RUSC2: variants seen among roughly 807,000 people sequenced by gnomAD.
The protein encoded by RUSC2 is AP-4 complex accessory subunit RUSC2.
Under a neutral mutation model 122.2 loss-of-function variants are expected in RUSC2, and 34 were observed. The observed-to-expected ratio is 0.28, with a 90% CI of 0.21 to 0.37. The LOEUF (loss-of-function observed/expected upper bound fraction) is 0.37, where lower values mean the gene tolerates loss of function less well. RUSC2 is among the 10% of genes least tolerant of loss of function. The pLI is 1.00. For synonymous variants in RUSC2, 784 were observed against 790.0 expected, an observed-to-expected ratio of 0.99 and a Z score of 0.13; for missense variants, 1,747 against 1,952.4, an observed-to-expected ratio of 0.89 and a Z score of 1.98.
At chr9:35,513,555 T>A (rs867141430) in intron 1 of RUSC2, among the ~76,000 whole-genome samples, 3 of 151,624 alleles carry the variant, frequency 2.0e-5, no homozygotes, top group Non-Finnish European at 1.5e-5. Context: ...AGAGTTGTAC[T>A]TTGTAAATTG....
At chr9:35,551,840 A>G (rs1266159453) in intron 2 of RUSC2, among the ~76,000 whole-genome samples, 2 of 151,810 alleles carry the variant, frequency 1.3e-5, no homozygotes, top group African/African-American at 4.8e-5. Flanking sequence ...CAGGAGGATC[A>G]CTTGAAGCCA....
At chr9:35,529,937 A>G (rs778635444) in intron 1 of RUSC2, among the ~76,000 whole-genome samples, 3 of 151,956 alleles carry the variant, frequency 2.0e-5, no homozygotes, top group Non-Finnish European at 4.4e-5. Flanking sequence ...TGTGCTTGCC[A>G]TCCATTCAGT....
At chr9:35,521,755 C>A (rs1292121197) in intron 1 of RUSC2, among the ~76,000 whole-genome samples, 1 of 152,258 alleles carries the variant, frequency 6.6e-6, no homozygotes, top group East Asian at 1.9e-4. Flanking sequence ...TCTGGGACAG[C>A]CCTTCAGGCT....
At chr9:35,544,455 GC>G (rs1435865219) in intron 1 of RUSC2, among the ~76,000 whole-genome samples, 1 of 151,778 alleles carries the variant, frequency 6.6e-6, no homozygotes, top group Non-Finnish European at 1.5e-5. Flanking sequence ...TTACAGGCAT[GC>G]ACTACCACGC....
At chr9:35,516,315 A>G (rs1389474866) in intron 1 of RUSC2, among the ~76,000 whole-genome samples, 1 of 152,012 alleles carries the variant, frequency 6.6e-6, no homozygotes, top group Non-Finnish European at 1.5e-5. Flanking sequence ...CCTCTCATCC[A>G]TATTTACTGT....
At position 35,555,881 on chromosome 9, in the gene RUSC2, G is replaced by T; in HGVS notation, c.2657-71G>T. ...TCTAGTGTTTCATATGGGCCCACTG[G>T]GTGGATGTGAAACTCTGTCTCGCTG... is the stretch of plus-strand genomic sequence containing the variant. On this transcript the variant is annotated intron_variant, in intron 3 of 11. Coordinates refer to ENST00000361226, the MANE Select transcript of RUSC2 (RefSeq NM_014806.5). The surrounding 1 kb of genome is among the most constrained non-coding windows in gnomAD (Gnocchi z 4.6). 6.4e-7 allele frequency: 1 copy of T among 1,554,822 alleles called. No homozygotes were observed. The highest frequency in any genetic ancestry group is 1.2e-5 in the South Asian group (1 of 85,362).
chr9:35,556,283 G>A (rs1163237450), intron 4 of RUSC2, 25 bp from the exon 5 acceptor site: 1 of 1,612,760 alleles, frequency 6.2e-7, no homozygotes, highest in African/African-American at 1.3e-5. Context: ...GAGTTGCTCA[G>A]GATTGATTTT....
At chr9:35,545,988 C>A (rs1393090181) in intron 1 of RUSC2, among the ~76,000 whole-genome samples, 1 of 152,020 alleles carries the variant, frequency 6.6e-6, no homozygotes, top group Non-Finnish European at 1.5e-5. Flanking sequence ...CATGATTTTC[C>A]CTCTTGGCTG....
chr9:35,513,804 G>T (rs1821052062), intron 1 of RUSC2, among the ~76,000 whole-genome samples: 1 of 149,474 alleles, frequency 6.7e-6, no homozygotes, highest in Non-Finnish European at 1.5e-5. Context: ...TTGAGCCCAG[G>T]AGTTTGAGAC....
intron 2 of RUSC2, among the ~76,000 whole-genome samples, chr9:35,550,914 A>T (rs1821878952): frequency 1.3e-5 from 2 of 151,822 alleles, no homozygotes; most frequent in Admixed American, 1.3e-4. Flanking sequence ...CTCTACTAAA[A>T]ATACAAAAAT....
Position 35,524,902 on chromosome 9 carries a change from T to C in RUSC2, c.-92-21528T>C, listed in dbSNP as rs186461695. On this transcript the variant is annotated intron_variant, in intron 1 of 11. Transcript: ENST00000361226. The stretch of plus-strand genomic sequence containing the variant: ...AGGAGAATGGCGTGAACCCGGGAGG[T>C]GGAGCTTGCAGTAAGCCAAGATCGC... Among the ~76,000 whole-genome samples the C allele has an allele frequency of 4.6e-3, 679 of 148,032 alleles. 3 individuals carry two copies. Among genetic ancestry groups the C allele is most frequent in the African/African-American group, 0.016 (628 of 39,854 alleles).
Position 35,560,919 on chromosome 9 carries a change from G to A in RUSC2, c.4212-41G>A, listed in dbSNP as rs1463176579. The A allele has an allele frequency of 1.9e-6, 3 of 1,604,298 alleles. No individual in the cohort carries two copies. In the African/African-American group the frequency reaches 4.0e-5, roughly 21 times the overall value. ...TGCTGTAAGCCAGGGCACGGGCAGA[G>A]CCCATCCTGGGCAGAGCCTGAGTCC... On this transcript the variant is annotated intron_variant, in intron 10 of 11. Transcript: ENST00000361226.
At chr9:35,523,217 TTA>T (rs1278757737) in intron 1 of RUSC2, among the ~76,000 whole-genome samples, 1 of 152,208 alleles carries the variant, frequency 6.6e-6, no homozygotes, top group Non-Finnish European at 1.5e-5. Flanking sequence ...TTTAATTAGC[TTA>T]TATGTTTTAT....
chr9:35,556,279 C>G, intron 4 of RUSC2, 29 bp from the exon 5 acceptor site: 2 of 1,612,200 alleles, frequency 1.2e-6, no homozygotes, highest in Non-Finnish European at 1.7e-6. Context: ...CTGAGAGTTG[C>G]TCAGGATTGA....
intron 1 of RUSC2, among the ~76,000 whole-genome samples, chr9:35,517,484 C>T (rs1192826823): frequency 6.7e-6 from 1 of 149,532 alleles, no homozygotes; most frequent in African/African-American, 2.5e-5. Context: ...GATACAGGCC[C>T]CAGATCAGTG....
intron 2 of RUSC2, among the ~76,000 whole-genome samples, chr9:35,553,305 G>T (rs1289749504): frequency 1.3e-5 from 2 of 152,168 alleles, no homozygotes; most frequent in African/African-American, 4.8e-5. Context: ...AGTGAGACTG[G>T]CTTGAATCAA....
In RUSC2 at chr9:35,555,304, C is replaced by T. The variant is rs772105000; in HGVS notation, c.2259C>T (p.Ser753=). Residue 753 remains serine, a synonymous_variant, in exon 3 of 12, where the codon TCC becomes TCT. Coordinates refer to ENST00000361226, the MANE Select transcript of RUSC2 (RefSeq NM_014806.5). The surrounding 1 kb of genome is among the most constrained non-coding windows in gnomAD (Gnocchi z 4.6). The part of the protein sequence containing the change: ...VPAPSGEPQA[S]TPRATGRGAR... ...CTCCCTCAGGGGAACCGCAGGCATC[C>T]ACTCCCCGAGCCACTGGCAGAGGTG... is the stretch of plus-strand genomic sequence containing the variant. 1 of 1,613,958 alleles carries T rather than the reference C, an allele frequency of 6.2e-7. No individual in the cohort carries two copies. Among genetic ancestry groups the T allele is most frequent in the South Asian group, 1.1e-5 (1 of 91,090 alleles).
At chr9:35,503,081 C>T (rs1820846612) in intron 1 of RUSC2, among the ~76,000 whole-genome samples, 1 of 152,076 alleles carries the variant, frequency 6.6e-6, no homozygotes, top group Non-Finnish European at 1.5e-5. Context: ...AGGCTGGTCT[C>T]GAACTCCTGT....
In RUSC2 at chr9:35,552,177, A is replaced by G. The variant is rs556068175; in HGVS notation, c.2015-2883A>G. 3.3e-5 allele frequency among the ~76,000 whole-genome samples: 5 copies of G among 152,168 alleles called. No individual in the cohort carries two copies. The East Asian group carries it at 7.7e-4, about 24-fold the overall frequency. ...GGAGTTCGAGACCAGCCTGGCCAACATGGAGAAACCCCATCTCTACTAAAA... is the reference window on the plus strand; with the variant it reads ...GGAGTTCGAGACCAGCCTGGCCAACGTGGAGAAACCCCATCTCTACTAAAA... On this transcript the variant is annotated intron_variant, in intron 2 of 11. Coordinates refer to ENST00000361226, the MANE Select transcript of RUSC2 (RefSeq NM_014806.5).
Sources: gnomAD v4.1 joint callset for allele counts (sites outside exome capture counted in the v4.1 genomes callset) on GRCh38, gnomAD v4.1.1 for gene constraint, Gnocchi (gnomAD v3.1) non-coding constraint, MANE v1.5 for transcripts, NCBI Gene and HGNC (gene_info 2026-07-23, HGNC 2026-07-21) for gene names.